MACROD2: variants seen among roughly 807,000 people sequenced by gnomAD.
The protein encoded by MACROD2 is ADP-ribose glycohydrolase MACROD2.
MACROD2 carries 36 observed loss-of-function variants against 70.4 expected under a neutral mutation model. The observed-to-expected ratio is 0.51, with a 90% CI of 0.39 to 0.68. MACROD2 has a LOEUF of 0.68. Ranked by LOEUF, MACROD2 falls within the 30% of genes least tolerant of loss-of-function variation. The pLI is 0.00. For synonymous variants in MACROD2, 172 were observed against 178.8 expected, an observed-to-expected ratio of 0.96 and a Z score of 0.30; for missense variants, 496 against 538.4, an observed-to-expected ratio of 0.92 and a Z score of 0.78.
intron 5 of MACROD2, among the ~76,000 whole-genome samples, chr20:15,223,808 G>A (rs1411341898): frequency 6.6e-6 from 1 of 152,160 alleles, no homozygotes; most frequent in Non-Finnish European, 1.5e-5. Flanking sequence ...CCCATCAAGA[G>A]GTGAGGTCTA....
At chr20:16,031,307 C>A (rs573537757) in intron 15 of MACROD2, among the ~76,000 whole-genome samples, 95 of 152,116 alleles carry the variant, frequency 6.2e-4, no homozygotes, top group Admixed American at 2.9e-3. Context: ...TGTTTTCTTC[C>A]CTGAAAAGTT....
chr20:15,372,542 C>G (rs1035512469), intron 6 of MACROD2, among the ~76,000 whole-genome samples: 1 of 152,006 alleles, frequency 6.6e-6, no homozygotes, highest in Non-Finnish European at 1.5e-5. Context: ...TCATTTTTTT[C>G]CCTAGTAGGT....
chr20:14,110,863 A>G, intron 3 of MACROD2, among the ~76,000 whole-genome samples: 1 of 151,886 alleles, frequency 6.6e-6, no homozygotes, highest in South Asian at 2.1e-4. Flanking sequence ...CTTTACAGAA[A>G]TAGAAAAATC....
intron 5 of MACROD2, among the ~76,000 whole-genome samples, chr20:15,007,150 G>T (rs2075044592): frequency 6.6e-6 from 1 of 151,874 alleles, no homozygotes; most frequent in Non-Finnish European, 1.5e-5. Context: ...GGATCACAAG[G>T]TCAGGAGATC....
At position 14,437,323 on chromosome 20, in the gene MACROD2, A is replaced by C. The variant is rs536496993; in HGVS notation, c.272-56156A>C. On this transcript the variant is annotated intron_variant, in intron 3 of 17. Coordinates refer to ENST00000684519, the MANE Select transcript of MACROD2 (RefSeq NM_001351661.2). ...AAAAAGGGTTTCTTGGGCCGGATGC[A>C]GTGGCTCACACCTGTAATCCCAGCA... 2.2e-4 allele frequency among the ~76,000 whole-genome samples: 34 copies of C among 152,168 alleles called. No individual in the cohort carries two copies. The South Asian group carries it at 7.0e-3, about 32-fold the overall frequency.
At chr20:14,355,476 A>G (rs548100924) in intron 3 of MACROD2, among the ~76,000 whole-genome samples, 1 of 152,304 alleles carries the variant, frequency 6.6e-6, no homozygotes, top group South Asian at 2.1e-4. Context: ...GAATTATTTA[A>G]AAGATAAAAA....
intron 5 of MACROD2, among the ~76,000 whole-genome samples, chr20:14,725,020 G>C (rs1360545640): frequency 6.6e-6 from 1 of 152,122 alleles, no homozygotes; most frequent in East Asian, 1.9e-4. Flanking sequence ...AGACAAATGG[G>C]TAGTTTCAGA....
chr20:15,699,962 A>T (rs376885510), intron 8 of MACROD2, among the ~76,000 whole-genome samples: 210 of 151,840 alleles, frequency 1.4e-3, no homozygotes, highest in South Asian at 2.5e-3. Context: ...CCACACCTTT[A>T]CTCGACTCAC....
chr20:15,514,687 G>A (rs539271844), intron 8 of MACROD2, among the ~76,000 whole-genome samples: 3 of 152,280 alleles, frequency 2.0e-5, no homozygotes, highest in Admixed American at 1.3e-4. Context: ...GAAGTATTGA[G>A]TGCTTCCTTT....
At chr20:14,054,287 A>G (rs977903641) in intron 2 of MACROD2, among the ~76,000 whole-genome samples, 1 of 151,774 alleles carries the variant, frequency 6.6e-6, no homozygotes, top group Non-Finnish European at 1.5e-5. Context: ...CAAGATGTAT[A>G]AGGATGAGGA....
intron 5 of MACROD2, among the ~76,000 whole-genome samples, chr20:15,088,417 AT>A (rs1259002588): frequency 6.3e-4 from 34 of 54,198 alleles, no homozygotes; most frequent in African/African-American, 9.1e-4. Context: ...ATATATATAT[AT>A]ATATATATAT....
rs1047606897 is a variant in MACROD2, at chr20:13,995,625, G to A, written c.-139G>A. On this transcript the variant is annotated 5_prime_UTR_variant, in exon 1 of 18. Transcript: ENST00000684519. This position sits in a 1 kb window ranked among gnomAD's most constrained non-coding sequence, Gnocchi z 4.3. ...GGCGGCGACTGGAGAGCGGCGAGCG[G>A]CGAGCAGCGCAGGACGCAGAGCCTC... 10 of 806,936 alleles carry A rather than the reference G, an allele frequency of 1.2e-5. No homozygotes were observed. The highest frequency in any genetic ancestry group is 1.2e-4 in the Admixed American group (6 of 49,728). 50.0% of individuals were successfully genotyped at this position (806,936 alleles called of 1,614,324 possible).
At chr20:14,333,465 G>A (rs2082879783) in intron 3 of MACROD2, among the ~76,000 whole-genome samples, 1 of 152,138 alleles carries the variant, frequency 6.6e-6, no homozygotes, top group African/African-American at 2.4e-5. Flanking sequence ...GAGAACAAGA[G>A]TTGTAAGAAC....
intron 8 of MACROD2, among the ~76,000 whole-genome samples, chr20:15,779,661 C>T (rs2051796480): frequency 6.6e-6 from 1 of 152,090 alleles, no homozygotes; most frequent in Non-Finnish European, 1.5e-5. Context: ...TGTGTTTTCC[C>T]CTCCACAGCC....
intron 8 of MACROD2, among the ~76,000 whole-genome samples, chr20:15,807,016 C>T (rs373278833): frequency 2.6e-5 from 4 of 152,136 alleles, no homozygotes; most frequent in Non-Finnish European, 2.9e-5. Context: ...TTGGAGGAGA[C>T]GAGGATCTTT....
intron 6 of MACROD2, among the ~76,000 whole-genome samples, chr20:15,274,295 G>C (rs939748035): frequency 6.6e-6 from 1 of 152,220 alleles, no homozygotes; most frequent in Non-Finnish European, 1.5e-5. Context: ...GACTGAGGCT[G>C]TGTTTTGAAC....
At chr20:15,783,794 A>G (rs2051875563) in intron 8 of MACROD2, among the ~76,000 whole-genome samples, 1 of 152,108 alleles carries the variant, frequency 6.6e-6, no homozygotes, top group African/African-American at 2.4e-5. Flanking sequence ...ACCTCCATCC[A>G]TGTCCTCCAG....
At chr20:15,978,717 T>C (rs8125746) in intron 13 of MACROD2, among the ~76,000 whole-genome samples, 3,281 of 152,196 alleles carry the variant, frequency 0.022, 115 homozygotes, top group African/African-American at 0.074. Context: ...CAAGTTCAAA[T>C]TTTAAAAGGC....
intron 5 of MACROD2, among the ~76,000 whole-genome samples, chr20:15,108,613 T>G (rs1433921608): frequency 6.6e-6 from 1 of 152,206 alleles, no homozygotes; most frequent in Admixed American, 6.5e-5. Context: ...GTTTTTATCA[T>G]TTTTCACTGG....
Sources: gnomAD v4.1 joint callset for allele counts (sites outside exome capture counted in the v4.1 genomes callset) on GRCh38, gnomAD v4.1.1 for gene constraint, Gnocchi (gnomAD v3.1) non-coding constraint, MANE v1.5 for transcripts, NCBI Gene and HGNC (gene_info 2026-07-23, HGNC 2026-07-21) for gene names.